The following FSTL5 variants were observed in gnomAD, a reference collection of about 807,000 sequenced individuals.
FSTL5 encodes the protein follistatin like 5.
Under a neutral mutation model 89.1 loss-of-function variants are expected in FSTL5, and 62 were observed. That is an observed-to-expected ratio of 0.70 (90% CI 0.57 to 0.86). FSTL5 has a LOEUF of 0.86. Among genes scored for constraint, FSTL5 ranks in the 40% least tolerant of loss-of-function variants. FSTL5 has a pLI of 0.00. For synonymous variants in FSTL5, 383 were observed against 346.2 expected (o/e 1.11, Z -1.18); for missense variants, 1,057 against 1,001.6 (o/e 1.06, Z -0.75).
At chr4:161,959,109 C>G (rs569759241) in intron 3 of FSTL5, among the ~76,000 whole-genome samples, 46 of 152,088 alleles carry the variant, frequency 3.0e-4, no homozygotes, top group African/African-American at 1.1e-3. Context: ...GATGTCTTAA[C>G]ATATGTTTTA....
intron 4 of FSTL5, among the ~76,000 whole-genome samples, chr4:161,916,689 C>G (rs1733849166): frequency 6.6e-6 from 1 of 151,770 alleles, no homozygotes; most frequent in African/African-American, 2.4e-5. Flanking sequence ...TTTATTTTAT[C>G]TATAGTTCTA....
chr4:161,437,571 A>AAAAAAAAAAAAAAAAAAAAAAC, intron 15 of FSTL5, among the ~76,000 whole-genome samples: 1 of 148,790 alleles, frequency 6.7e-6, no homozygotes, highest in East Asian at 2.0e-4. Context: ...GTCTCAAAAA[A>AAAAAAAAAAAAAAAAAAAAAAC]AAAAAAAAAA....
intron 6 of FSTL5, among the ~76,000 whole-genome samples, chr4:161,692,780 G>T: frequency 6.6e-6 from 1 of 152,110 alleles, no homozygotes; most frequent in East Asian, 1.9e-4. Context: ...GTGGAGTGCA[G>T]TGGCGCTATC....
chr4:162,036,962 C>T (rs1357428858), intron 2 of FSTL5, among the ~76,000 whole-genome samples: 1 of 151,702 alleles, frequency 6.6e-6, no homozygotes, highest in East Asian at 1.9e-4. Flanking sequence ...GAATAAAAAG[C>T]CTGTTATGGA....
intron 14 of FSTL5, among the ~76,000 whole-genome samples, chr4:161,458,932 A>G (rs552812560): frequency 4.3e-4 from 66 of 152,334 alleles, no homozygotes; most frequent in Non-Finnish European, 7.9e-4. Context: ...TTAAAAAGTA[A>G]ATTATGACTT....
At chr4:162,001,916 C>T (rs1357365581) in intron 3 of FSTL5, among the ~76,000 whole-genome samples, 1 of 151,916 alleles carries the variant, frequency 6.6e-6, no homozygotes, top group African/African-American at 2.4e-5. Flanking sequence ...CATGATGGTT[C>T]AAAGAGTTAT....
chr4:162,020,724 C>T (rs918563806), intron 3 of FSTL5, among the ~76,000 whole-genome samples: 1 of 151,784 alleles, frequency 6.6e-6, no homozygotes, highest in Non-Finnish European at 1.5e-5. Context: ...TAACTTACTT[C>T]TTATTTAACT....
At chr4:162,035,650 C>T (rs1737708868) in intron 2 of FSTL5, among the ~76,000 whole-genome samples, 2 of 151,988 alleles carry the variant, frequency 1.3e-5, no homozygotes, top group Admixed American at 1.3e-4. Context: ...GCTGAGAATA[C>T]ATATACATTT....
At position 162,163,712 on chromosome 4, in the gene FSTL5, A is replaced by T. The variant is rs188819937; in HGVS notation, c.-114T>A. The T allele has an allele frequency of 6.6e-6, 1 of 151,558 alleles. No homozygotes were observed. Among genetic ancestry groups the T allele is most frequent in the Admixed American group, 6.6e-5 (1 of 15,198 alleles). 9.4% of individuals were successfully genotyped at this position (151,558 alleles called of 1,614,324 possible). On this transcript the variant is annotated 5_prime_UTR_variant, in exon 1 of 16. Coordinates refer to ENST00000306100, the MANE Select transcript of FSTL5 (RefSeq NM_020116.5). The stretch of plus-strand genomic sequence containing the variant: ...AAAAAAACTCTCAAAAGATCGTCTT[A>T]GCTGGGGAAAAAAAAATAGTTTGGT...
chr4:161,666,018 C>T (rs1458076212), intron 6 of FSTL5, among the ~76,000 whole-genome samples: 2 of 151,934 alleles, frequency 1.3e-5, no homozygotes, highest in Non-Finnish European at 2.9e-5. Flanking sequence ...TAACAAGACA[C>T]AAATGAATTC....
chr4:161,812,189 T>C (rs1423592812), intron 4 of FSTL5, among the ~76,000 whole-genome samples: 3 of 152,234 alleles, frequency 2.0e-5, no homozygotes, highest in Non-Finnish European at 4.4e-5. Context: ...TATTAACAGA[T>C]GTTTCATTTA....
At chr4:161,875,930 T>C (rs539751935) in intron 4 of FSTL5, among the ~76,000 whole-genome samples, 1 of 152,324 alleles carries the variant, frequency 6.6e-6, no homozygotes, top group South Asian at 2.1e-4. Flanking sequence ...GGTTTTAATT[T>C]GGACAATTGT....
At chr4:161,435,884 G>C (rs1037597649) in intron 15 of FSTL5, among the ~76,000 whole-genome samples, 1 of 151,948 alleles carries the variant, frequency 6.6e-6, no homozygotes, top group Admixed American at 6.6e-5. Flanking sequence ...GAAACAACTG[G>C]ACTTCCCCCC....
chr4:161,665,140 A>G (rs1736841531), intron 6 of FSTL5, among the ~76,000 whole-genome samples: 1 of 152,244 alleles, frequency 6.6e-6, no homozygotes, highest in Non-Finnish European at 1.5e-5. Context: ...TCAATTTACC[A>G]ATGTAACAAA....
chr4:161,907,324 A>G (rs2110816084), intron 4 of FSTL5, among the ~76,000 whole-genome samples: 1 of 152,194 alleles, frequency 6.6e-6, no homozygotes, highest in African/African-American at 2.4e-5. Context: ...AACAAGAATC[A>G]GTTCTATGGC....
chr4:161,788,892 T>C (rs1294330037), intron 4 of FSTL5, among the ~76,000 whole-genome samples: 2 of 152,148 alleles, frequency 1.3e-5, no homozygotes, highest in African/African-American at 2.4e-5. Context: ...TTCAAGACAC[T>C]GTCTCTAAAA....
chr4:161,931,806 C>T (rs747212168), intron 3 of FSTL5, among the ~76,000 whole-genome samples: 12 of 151,980 alleles, frequency 7.9e-5, no homozygotes, highest in South Asian at 4.1e-4. Context: ...TTCCTCTCTC[C>T]TGTGGAAGAC....
chr4:161,556,815 AGAT>A, intron 8 of FSTL5, among the ~76,000 whole-genome samples: 4 of 141,022 alleles, frequency 2.8e-5, no homozygotes, highest in African/African-American at 1.0e-4. Context: ...TCTCGGTAAA[AGAT>A]TATATATATA....
At chr4:162,080,608 C>T (rs888126829) in intron 2 of FSTL5, among the ~76,000 whole-genome samples, 5 of 151,542 alleles carry the variant, frequency 3.3e-5, no homozygotes, top group African/African-American at 7.3e-5. Flanking sequence ...AGTTATAAAG[C>T]AATCCATTTT....
Sources: gnomAD v4.1 joint callset for allele counts (sites outside exome capture counted in the v4.1 genomes callset) on GRCh38, gnomAD v4.1.1 for gene constraint, MANE v1.5 for transcripts, NCBI Gene and HGNC (gene_info 2026-07-23, HGNC 2026-07-21) for gene names.